Variants in TMEM232 observed in about 807,000 individuals in gnomAD.
TMEM232 encodes the protein transmembrane protein 232.
Under a neutral mutation model 78.8 loss-of-function variants are expected in TMEM232, and 80 were observed. The ratio of observed to expected loss-of-function variants is 1.01; its 90% CI spans 0.85 to 1.22. TMEM232 has a LOEUF of 1.22. Among genes scored for constraint, TMEM232 ranks in the 50% most tolerant of loss-of-function variants. TMEM232 has a pLI of 0.00. For missense variants in TMEM232, 881 were observed against 742.2 expected, an observed-to-expected ratio of 1.19 and a Z score of -2.17; for synonymous variants, 297 against 254.3, an observed-to-expected ratio of 1.17 and a Z score of -1.60.
intron 12 of TMEM232, among the ~76,000 whole-genome samples, chr5:110,474,239 A>G (rs536444235): frequency 6.6e-6 from 1 of 152,094 alleles, no homozygotes; most frequent in East Asian, 1.9e-4. Context: ...GAAATGTCAC[A>G]TGGTACCCCA....
chr5:110,696,929 C>T (rs1242676618), intron 1 of TMEM232, among the ~76,000 whole-genome samples: 5 of 152,024 alleles, frequency 3.3e-5, no homozygotes, highest in Admixed American at 1.3e-4. Flanking sequence ...AGTTTCTTCA[C>T]GGAATTGGAA....
chr5:110,599,940 A>G (rs1780684606), intron 10 of TMEM232, among the ~76,000 whole-genome samples: 2 of 152,214 alleles, frequency 1.3e-5, no homozygotes, highest in Non-Finnish European at 2.9e-5. Flanking sequence ...CAGCAAATGA[A>G]AAGAACGGAA....
chr5:110,466,273 A>G (rs912761303), intron 12 of TMEM232, among the ~76,000 whole-genome samples: 2 of 152,198 alleles, frequency 1.3e-5, no homozygotes, highest in African/African-American at 4.8e-5. Context: ...TACATACACA[A>G]AAACAGAATA....
chr5:110,426,310 G>T (rs1757227533), intron 12 of TMEM232, among the ~76,000 whole-genome samples: 1 of 151,966 alleles, frequency 6.6e-6, no homozygotes. Context: ...AGTAGAGTAT[G>T]AGCTACATGA....
At chr5:110,600,323 GA>G (rs551909964) in intron 10 of TMEM232, among the ~76,000 whole-genome samples, 1 of 152,132 alleles carries the variant, frequency 6.6e-6, no homozygotes, top group Non-Finnish European at 1.5e-5. Context: ...GAGCAGAACT[GA>G]AGGAGACAGA....
At chr5:110,734,676 T>A (rs1332501456) in intron 2 of TMEM232, among the ~76,000 whole-genome samples, 1 of 152,224 alleles carries the variant, frequency 6.6e-6, no homozygotes, top group Non-Finnish European at 1.5e-5. Flanking sequence ...ACTGTGTGTG[T>A]CCCATTAAGT....
rs767315310 is a variant in TMEM232, at chr5:110,464,832, G to GTATC, written c.1704-39920_1704-39917dup. Among the ~76,000 whole-genome samples the GTATC allele has an allele frequency of 2.0e-3, 304 of 152,120 alleles. 2 individuals are homozygous for GTATC. The highest frequency in any genetic ancestry group is 6.6e-3 in the African/African-American group (275 of 41,496). ...GCTATCAATCTATGTATCTATCTGT[G>GTATC]TATCTATCTATCTATCTATCATGAA... On this transcript the variant is annotated intron_variant, in intron 12 of 13. Coordinates refer to ENST00000455884, the MANE Select transcript of TMEM232 (RefSeq NM_001039763.4).
At chr5:110,592,964 A>C (rs531759978) in intron 10 of TMEM232, among the ~76,000 whole-genome samples, 40 of 152,324 alleles carry the variant, frequency 2.6e-4, no homozygotes, top group Non-Finnish European at 4.7e-4. Context: ...TCACCATACA[A>C]GTATCTAGGT....
intron 1 of TMEM232, among the ~76,000 whole-genome samples, chr5:110,723,486 GATT>G (rs369761986): frequency 1.1e-3 from 166 of 152,282 alleles, no homozygotes; most frequent in Middle Eastern, 3.4e-3. Context: ...GGCCTACTGA[GATT>G]ATTATCCATG....
intron 7 of TMEM232, among the ~76,000 whole-genome samples, chr5:110,621,228 T>G (rs915794697): frequency 6.6e-6 from 1 of 151,984 alleles, no homozygotes; most frequent in African/African-American, 2.4e-5. Context: ...CAAACTTCAA[T>G]GAATTAATGT....
intron 12 of TMEM232, among the ~76,000 whole-genome samples, chr5:110,492,828 T>C (rs988505511): frequency 6.6e-6 from 1 of 151,978 alleles, no homozygotes; most frequent in African/African-American, 2.4e-5. Context: ...TTTTATGCAT[T>C]TGCAACTCTT....
intron 12 of TMEM232, among the ~76,000 whole-genome samples, chr5:110,482,517 G>A (rs867537070): frequency 1.3e-5 from 2 of 151,696 alleles, no homozygotes; most frequent in South Asian, 2.1e-4. Context: ...GGAGGCGGAT[G>A]TTGCAGTGAG....
At chr5:110,606,322 A>G in intron 8 of TMEM232, 35 bp from the exon 9 acceptor site, 1 of 1,465,648 alleles carries the variant, frequency 6.8e-7, no homozygotes, top group Non-Finnish European at 9.1e-7. Context: ...TAAAGATTTT[A>G]ATGGAAAATA....
chr5:110,609,734 C>T (rs1781960374), intron 8 of TMEM232, among the ~76,000 whole-genome samples: 1 of 151,970 alleles, frequency 6.6e-6, no homozygotes, highest in South Asian at 2.1e-4. Context: ...TAATTTTTAC[C>T]AACTTTGTTA....
chr5:110,709,777 A>T (rs1487026112), intron 1 of TMEM232, among the ~76,000 whole-genome samples: 1 of 152,064 alleles, frequency 6.6e-6, no homozygotes, highest in Non-Finnish European at 1.5e-5. Context: ...GCTACATCAA[A>T]AAAGAAGAAA....
intron 2 of TMEM232, among the ~76,000 whole-genome samples, chr5:110,406,265 T>TATACACAC (rs369880810): frequency 1.1e-3 from 160 of 143,686 alleles, no homozygotes; most frequent in Admixed American, 2.5e-3. Context: ...CAGATATATA[T>TATACACAC]ACACACACAC....
intron 11 of TMEM232, among the ~76,000 whole-genome samples, chr5:110,535,349 GAAC>G (rs370360753): frequency 0.025 from 3,873 of 152,082 alleles, 162 homozygotes; most frequent in African/African-American, 0.089. Context: ...GCCTGCCAGA[GAAC>G]AACCCCCCTT....
Position 110,420,508 on chromosome 5 carries a change from C to A in TMEM232, c.*72G>T. On this transcript the variant is annotated 3_prime_UTR_variant, in exon 14 of 14. Coordinates refer to ENST00000455884, the MANE Select transcript of TMEM232 (RefSeq NM_001039763.4). ...GAAAGTTCTCTTACTATGTAGCTAT[C>A]TTGGTATTTTTCATCCTATGTATTT... 1.1e-6 allele frequency: 1 copy of A among 941,612 alleles called. No individual in the cohort carries two copies. Among genetic ancestry groups the A allele is most frequent in the Non-Finnish European group, 1.5e-6 (1 of 682,800 alleles). The allele number at this position is 941,612 out of a possible 1,614,324, so 58.3% of individuals were successfully genotyped here.
intron 12 of TMEM232, among the ~76,000 whole-genome samples, chr5:110,455,471 GC>G (rs1760800294): frequency 6.6e-6 from 1 of 151,070 alleles, no homozygotes; most frequent in Non-Finnish European, 1.5e-5. Context: ...TCCACCTCTT[GC>G]GTTCAAGCCA....
Sources: gnomAD v4.1 joint callset for allele counts (sites outside exome capture counted in the v4.1 genomes callset) on GRCh38, gnomAD v4.1.1 for gene constraint, MANE v1.5 for transcripts, NCBI Gene and HGNC (gene_info 2026-07-23, HGNC 2026-07-21) for gene names.